ZNF469: variants seen among roughly 807,000 people sequenced by gnomAD.
The protein encoded by ZNF469 is zinc finger protein 469.
In ZNF469, 1 loss-of-function variant was observed where a neutral mutation model predicts 1.0. That is an observed-to-expected ratio of 1.00 (90% confidence interval 0.35 to 4.73). The LOEUF is 4.73. Ranked by LOEUF, ZNF469 falls within the 30% of genes most tolerant of loss-of-function variation. ZNF469 has a pLI of 0.16. For synonymous variants in ZNF469, 2,703 were observed against 2,363.4 expected (o/e 1.14, Z -4.17); for missense variants, 6,100 against 5,356.3 (o/e 1.14, Z -4.33).
chr16:88,333,520 A>G, the ZNF469 span, among the ~76,000 whole-genome samples: 1 of 148,144 alleles, frequency 6.8e-6, no homozygotes, highest in Non-Finnish European at 1.5e-5. Context: ...GAGTCACGGA[A>G]GAGGGGCCCA....
the ZNF469 span, among the ~76,000 whole-genome samples, chr16:88,135,434 G>C: frequency 6.6e-6 from 1 of 152,250 alleles, no homozygotes; most frequent in Non-Finnish European, 1.5e-5. Context: ...GATGGACGAG[G>C]TTGGCCAGGG....
chr16:88,360,350 C>T, the ZNF469 span, among the ~76,000 whole-genome samples: 1 of 152,182 alleles, frequency 6.6e-6, no homozygotes. Flanking sequence ...ACTTTACATG[C>T]AACGAAATGT....
chr16:88,221,453 G>C, the ZNF469 span, among the ~76,000 whole-genome samples: 5 of 152,246 alleles, frequency 3.3e-5, no homozygotes, highest in Non-Finnish European at 5.9e-5. Flanking sequence ...GGAGGTTGTG[G>C]GGCCAGGATA....
At chr16:88,415,147 T>C (rs1379835638) in intron 1 of ZNF469, among the ~76,000 whole-genome samples, 1 of 152,094 alleles carries the variant, frequency 6.6e-6, no homozygotes, top group Non-Finnish European at 1.5e-5. Flanking sequence ...AGAACCACCT[T>C]GTGGGGCCTT....
chr16:88,406,137 G>A (rs963008565), intron 1 of ZNF469, among the ~76,000 whole-genome samples: 2 of 152,222 alleles, frequency 1.3e-5, no homozygotes, highest in African/African-American at 2.4e-5. Flanking sequence ...CAGGCCCGAC[G>A]ACCTGCCCGG....
At chr16:88,161,811 C>T in the ZNF469 span, among the ~76,000 whole-genome samples, 1 of 152,198 alleles carries the variant, frequency 6.6e-6, no homozygotes, top group African/African-American at 2.4e-5. Context: ...CGTGAGCTTG[C>T]GTGGCTCGTG....
Position 88,439,212 on chromosome 16 carries a change from T to C in ZNF469, c.11742T>C (p.Ala3914=). 2 of 1,550,166 alleles carry C rather than the reference T, an allele frequency of 1.3e-6. No individual in the cohort carries two copies. The highest frequency in any genetic ancestry group is 1.2e-5 in the South Asian group (1 of 84,052). The change falls in exon 3 of 3, where the codon GCT becomes GCC. Residue 3914 remains alanine (A), a synonymous_variant. Coordinates refer to ENST00000565624, the MANE Select transcript of ZNF469 (RefSeq NM_001367624.2). ...PPKRGTAVHG[A]EPAEPHTHRT... ...AGAGGGGCACAGCTGTCCACGGTGCTGAACCTGCCGAGCCACACACCCACC... is the reference window on the plus strand; with the variant it reads ...AGAGGGGCACAGCTGTCCACGGTGCCGAACCTGCCGAGCCACACACCCACC...
At chr16:88,298,639 G>A in the ZNF469 span, among the ~76,000 whole-genome samples, 1 of 152,084 alleles carries the variant, frequency 6.6e-6, no homozygotes, top group East Asian at 1.9e-4. Flanking sequence ...TCTTGGTTAT[G>A]TGCCAGAGAG....
chr16:88,142,657 C>T, the ZNF469 span, among the ~76,000 whole-genome samples: 2 of 152,196 alleles, frequency 1.3e-5, no homozygotes, highest in African/African-American at 2.4e-5. Context: ...ACTCTATTGC[C>T]TGGTCTATAA....
the ZNF469 span, among the ~76,000 whole-genome samples, chr16:88,242,898 T>G: frequency 1.3e-5 from 2 of 152,202 alleles, no homozygotes; most frequent in African/African-American, 4.8e-5. Flanking sequence ...AGGAGCTAGC[T>G]GGGAAACCAT....
chr16:88,431,081 A>G lies in ZNF469; in HGVS notation c.3611A>G (p.Gln1204Arg), dbSNP rs1597208940. The change falls in exon 3 of 3, where the codon CAG becomes CGG. Residue 1204 changes from glutamine to arginine, a missense_variant. By Grantham distance (43) the Gln-to-Arg change is conservative. Transcript: ENST00000565624. Reference sequence around the variant, plus strand: ...TCAGTGGCCCCCAAGGATCCCCTGCAGGTCCCCACCAACACCGAGACCTCA... The same window carrying G: ...TCAGTGGCCCCCAAGGATCCCCTGCGGGTCCCCACCAACACCGAGACCTCA... ...RPSVAPKDPL[Q>R]VPTNTETSEE... 1.3e-6 allele frequency: 2 copies of G among 1,549,946 alleles called. No individual in the cohort carries two copies. The highest frequency in any genetic ancestry group is 4.9e-5 in the East Asian group (2 of 40,892).
intron 1 of ZNF469, among the ~76,000 whole-genome samples, chr16:88,418,551 C>G (rs111397231): frequency 6.6e-6 from 1 of 152,050 alleles, no homozygotes; most frequent in African/African-American, 2.4e-5. Flanking sequence ...CCACCGCCCC[C>G]CCGGCCACCT....
At chr16:88,208,861 C>T in the ZNF469 span, among the ~76,000 whole-genome samples, 9 of 151,416 alleles carry the variant, frequency 5.9e-5, no homozygotes, top group East Asian at 2.0e-4. Flanking sequence ...CGAGCTCCCA[C>T]GATGCCTCCA....
At chr16:88,130,626 G>T in the ZNF469 span, among the ~76,000 whole-genome samples, 1 of 150,666 alleles carries the variant, frequency 6.6e-6, no homozygotes, top group African/African-American at 2.5e-5. Flanking sequence ...GAATCACTTG[G>T]ACCTGGGAGG....
the ZNF469 span, among the ~76,000 whole-genome samples, chr16:88,185,273 T>C: frequency 6.6e-6 from 1 of 152,108 alleles, no homozygotes; most frequent in African/African-American, 2.4e-5. Context: ...AGGCACGCAC[T>C]AGTATAGCCA....
chr16:88,438,708 T>G lies in ZNF469; in HGVS notation c.11238T>G (p.Gly3746=). Residue 3746 remains glycine, a synonymous_variant, in exon 3 of 3, where the codon GGT becomes GGG. Coordinates refer to ENST00000565624, the MANE Select transcript of ZNF469 (RefSeq NM_001367624.2). ...CTCGCCCCGGCACCAAGACAGGAGG[T>G]GGCAGCCAGCCCCAGCCAGCCAGCG... ...GSPRPGTKTG[G]GSQPQPASGQ... is the part of the protein sequence containing the mutation. 2 of 1,547,174 alleles carry G rather than the reference T, an allele frequency of 1.3e-6. No homozygotes were observed. Among genetic ancestry groups the G allele is most frequent in the Non-Finnish European group, 1.7e-6 (2 of 1,146,096 alleles).
At chr16:88,243,919 T>C in the ZNF469 span, among the ~76,000 whole-genome samples, 127 of 74,634 alleles carry the variant, frequency 1.7e-3, 1 homozygote, top group African/African-American at 2.0e-3. Flanking sequence ...TGCATATATA[T>C]ATATATATAT....
chr16:88,407,521 C>T (rs151336975), intron 1 of ZNF469, among the ~76,000 whole-genome samples: 30 of 152,348 alleles, frequency 2.0e-4, no homozygotes, highest in African/African-American at 4.6e-4. Flanking sequence ...CGAACGAGGC[C>T]GTGTGCATCC....
At chr16:88,139,854 G>A in the ZNF469 span, among the ~76,000 whole-genome samples, 14 of 152,216 alleles carry the variant, frequency 9.2e-5, no homozygotes, top group African/African-American at 2.2e-4. Context: ...TCCCTAAGAC[G>A]GAAATTCACA....
Sources: gnomAD v4.1 joint callset for allele counts (sites outside exome capture counted in the v4.1 genomes callset) on GRCh38, gnomAD v4.1.1 for gene constraint, MANE v1.5 for transcripts, NCBI Gene and HGNC (gene_info 2026-07-23, HGNC 2026-07-21) for gene names.